The following BICDL1 variants were observed in gnomAD, a reference collection of about 807,000 sequenced individuals.
BICDL1 encodes the protein BICD family-like cargo adapter 1.
A neutral mutation model predicts 76.8 loss-of-function variants in BICDL1; 20 were observed. The observed-to-expected ratio is 0.26, with a 90% confidence interval of 0.18 to 0.38. The LOEUF is 0.38. Among genes scored for constraint, BICDL1 ranks in the 10% least tolerant of loss-of-function variants. The pLI is 1.00. For synonymous variants in BICDL1, 383 were observed against 337.1 expected (o/e 1.14, Z -1.49); for missense variants, 700 against 798.6 (o/e 0.88, Z 1.49).
At chr12:120,085,928 T>G (rs1594217575) in intron 8 of BICDL1, among the ~76,000 whole-genome samples, 1 of 137,436 alleles carries the variant, frequency 7.3e-6, no homozygotes. Context: ...GGATGGAAGG[T>G]GGGGGATACA....
chr12:120,084,324 C>A (rs1164576515), intron 8 of BICDL1, among the ~76,000 whole-genome samples: 1 of 152,134 alleles, frequency 6.6e-6, no homozygotes, highest in Non-Finnish European at 1.5e-5. Context: ...CTTTAATCCT[C>A]CCAGCCACAG....
intron 4 of BICDL1, among the ~76,000 whole-genome samples, chr12:120,066,722 C>G (rs1398243023): frequency 6.6e-6 from 1 of 152,154 alleles, no homozygotes; most frequent in African/African-American, 2.4e-5. Flanking sequence ...CATTATAGTC[C>G]TTCAGTTCAT....
At chr12:120,070,394 T>C (rs1431523634) in intron 4 of BICDL1, among the ~76,000 whole-genome samples, 1 of 152,216 alleles carries the variant, frequency 6.6e-6, no homozygotes, top group Non-Finnish European at 1.5e-5. Context: ...CACAGTGTAA[T>C]GAAGCCCAGC....
At position 120,054,704 on chromosome 12, in the gene BICDL1, C is replaced by T. The variant is rs377225452; in HGVS notation, c.646-7006C>T. Among the ~76,000 whole-genome samples the T allele has an allele frequency of 3.3e-5, 5 of 151,942 alleles. No homozygotes were observed. In the South Asian group the frequency reaches 8.3e-4, roughly 25 times the overall value. Reference sequence around the variant, plus strand: ...CCAGCCTGGCCAACATGAAGGAATTCCATCTCTACTAAAAATGCAAAAAAA... The same window carrying T: ...CCAGCCTGGCCAACATGAAGGAATTTCATCTCTACTAAAAATGCAAAAAAA... On this transcript the variant is annotated intron_variant, in intron 2 of 9. Transcript: ENST00000548673.
intron 2 of BICDL1, among the ~76,000 whole-genome samples, chr12:120,056,540 GA>G (rs953756652): frequency 2.6e-5 from 4 of 152,134 alleles, no homozygotes; most frequent in African/African-American, 9.7e-5. Flanking sequence ...CCAACGTGGT[GA>G]AACCCTGTCT....
chr12:119,994,999 T>G (rs963233526), intron 1 of BICDL1, among the ~76,000 whole-genome samples: 1 of 152,216 alleles, frequency 6.6e-6, no homozygotes, highest in African/African-American at 2.4e-5. Flanking sequence ...TAATACCTTT[T>G]TCTGTTCCAG....
intron 2 of BICDL1, among the ~76,000 whole-genome samples, chr12:120,056,664 C>G (rs535355398): frequency 6.6e-6 from 1 of 152,142 alleles, no homozygotes; most frequent in South Asian, 2.1e-4. Context: ...TTGCAGTTAG[C>G]CGAGATCGCG....
intron 2 of BICDL1, among the ~76,000 whole-genome samples, chr12:120,052,031 C>G (rs1321840730): frequency 6.6e-6 from 1 of 152,070 alleles, no homozygotes; most frequent in Non-Finnish European, 1.5e-5. Context: ...ACCTCTGCCT[C>G]CCCGGTTCAT....
chr12:120,003,701 T>C (rs976083959), intron 2 of BICDL1, among the ~76,000 whole-genome samples: 1 of 152,244 alleles, frequency 6.6e-6, no homozygotes, highest in Non-Finnish European at 1.5e-5. Flanking sequence ...CATATGAGAA[T>C]GGACAGAGCT....
intron 2 of BICDL1, among the ~76,000 whole-genome samples, chr12:120,030,653 T>TAGG (rs1434900490): frequency 6.6e-6 from 1 of 152,248 alleles, no homozygotes; most frequent in African/African-American, 2.4e-5. Flanking sequence ...TCTGGAACCC[T>TAGG]GGGCTTCAGG....
At chr12:120,001,470 T>A (rs991883296) in intron 2 of BICDL1, among the ~76,000 whole-genome samples, 1 of 152,162 alleles carries the variant, frequency 6.6e-6, no homozygotes, top group Non-Finnish European at 1.5e-5. Flanking sequence ...ATGGTCTCGA[T>A]CTCCTGACCT....
chr12:119,994,517 T>C (rs768395600), intron 1 of BICDL1, among the ~76,000 whole-genome samples: 7 of 151,540 alleles, frequency 4.6e-5, no homozygotes, highest in Non-Finnish European at 7.4e-5. Context: ...CGAGACGGAG[T>C]CTCACTTTGT....
At chr12:120,074,103 C>T (rs1422153404) in intron 6 of BICDL1, among the ~76,000 whole-genome samples, 4 of 152,034 alleles carry the variant, frequency 2.6e-5, no homozygotes, top group African/African-American at 9.7e-5. Context: ...TTAGTAGAGA[C>T]AGGGTTTCAC....
rs1662356432 is a variant in BICDL1, at chr12:120,050,196, A to ATATATATATT, written c.646-11514_646-11513insTATATATATT. On this transcript the variant is annotated intron_variant, in intron 2 of 9. Transcript: ENST00000548673. ...GAGGTTTTTATATATTCTGAATACA[A>ATATATATATT]GTCAGATATATGTGTTATAAACATT... Among the ~76,000 whole-genome samples the ATATATATATT allele has an allele frequency of 3.2e-4, 48 of 151,820 alleles. No homozygotes were observed. In the South Asian group the frequency reaches 9.8e-3, roughly 31 times the overall value.
chr12:120,085,119 T>C (rs1415270469), intron 8 of BICDL1, among the ~76,000 whole-genome samples: 1 of 152,160 alleles, frequency 6.6e-6, no homozygotes, highest in African/African-American at 2.4e-5. Context: ...TGCTTGGATT[T>C]CCACTATATT....
At chr12:120,033,367 C>CTTTTTTTTTTCTTTTT (rs1952463693) in intron 2 of BICDL1, among the ~76,000 whole-genome samples, 1 of 77,624 alleles carries the variant, frequency 1.3e-5, no homozygotes, top group African/African-American at 7.9e-5. Flanking sequence ...GAGTTCTTGC[C>CTTTTTTTTTTCTTTTT]TTTTTTTTTT....
At chr12:120,057,893 C>T (rs541617092) in intron 2 of BICDL1, among the ~76,000 whole-genome samples, 114 of 139,118 alleles carry the variant, frequency 8.2e-4, no homozygotes, top group African/African-American at 2.9e-3. Context: ...TGCAGTGGCG[C>T]GATCTCGGCA....
chr12:120,080,412 A>G (rs1873874894), intron 7 of BICDL1, among the ~76,000 whole-genome samples: 1 of 152,176 alleles, frequency 6.6e-6, no homozygotes. Flanking sequence ...GGGCTGTGCC[A>G]AGGGCTGTCA....
chr12:120,072,833 A>G, intron 6 of BICDL1, 104 bp downstream of exon 6: 1 of 920,708 alleles, frequency 1.1e-6, no homozygotes, highest in Non-Finnish European at 1.7e-6. Context: ...GGAACCCTAT[A>G]AAATATCTGC....
Sources: allele counts gnomAD v4.1 joint callset (sites outside exome capture counted in the v4.1 genomes callset), GRCh38; gene constraint gnomAD v4.1.1; transcripts MANE v1.5; gene names NCBI Gene and HGNC (gene_info 2026-07-23, HGNC 2026-07-21).